C12orf42: variants seen among roughly 807,000 people sequenced by gnomAD.
The protein encoded by C12orf42 is chromosome 12 open reading frame 42, also known as uncharacterized protein C12orf42.
In C12orf42, 25 loss-of-function variants were observed where a neutral mutation model predicts 21.6. The ratio of observed to expected loss-of-function variants is 1.16; its 90% CI spans 0.84 to 1.62. The LOEUF (loss-of-function observed/expected upper bound fraction) is 1.62, where lower values mean the gene tolerates loss of function less well. C12orf42 is among the 40% of genes most tolerant of loss of function. The pLI is 0.00. For synonymous variants in C12orf42, 174 were observed against 175.0 expected, an observed-to-expected ratio of 0.99 and a Z score of 0.05; for missense variants, 483 against 459.3, an observed-to-expected ratio of 1.05 and a Z score of -0.47.
At chr12:103,399,075 T>G (rs2047768770) in intron 3 of C12orf42, among the ~76,000 whole-genome samples, 1 of 152,066 alleles carries the variant, frequency 6.6e-6, no homozygotes, top group South Asian at 2.1e-4. Flanking sequence ...GTTTTATACA[T>G]TTTTCCATAT....
intron 3 of C12orf42, chr12:103,397,849 T>C (rs1210050062): frequency 6.6e-6 from 1 of 152,154 alleles, no homozygotes; most frequent in African/African-American, 2.4e-5. Context: ...TTAATGTTCA[T>C]TACCAGAGTA....
chr12:103,423,495 C>T (rs112925070), intron 2 of C12orf42, among the ~76,000 whole-genome samples: 1,618 of 152,302 alleles, frequency 0.011, 36 homozygotes, highest in African/African-American at 0.037. Flanking sequence ...TCTCTCCCCA[C>T]CCCATCCCCT....
chr12:103,535,775 T>C, the C12orf42 span, among the ~76,000 whole-genome samples: 3 of 152,114 alleles, frequency 2.0e-5, no homozygotes, highest in African/African-American at 7.2e-5. Flanking sequence ...ATCTGTGAGA[T>C]AATAAGAATT....
At chr12:103,248,492 C>T (rs879451653) in intron 10 of C12orf42, among the ~76,000 whole-genome samples, 4 of 151,950 alleles carry the variant, frequency 2.6e-5, no homozygotes, top group Non-Finnish European at 5.9e-5. Context: ...GTGAAGAAAA[C>T]GTTTTTAATT....
At chr12:103,434,231 A>C (rs1434448843) in intron 2 of C12orf42, among the ~76,000 whole-genome samples, 1 of 152,170 alleles carries the variant, frequency 6.6e-6, no homozygotes, top group Non-Finnish European at 1.5e-5. Context: ...ACTGAGTTGC[A>C]TTGTCCCTGA....
intron 4 of C12orf42, among the ~76,000 whole-genome samples, chr12:103,281,395 C>G (rs998397661): frequency 1.3e-5 from 2 of 152,222 alleles, no homozygotes; most frequent in African/African-American, 2.4e-5. Context: ...TGGAGTCTCA[C>G]TCTGTCACCC....
intron 2 of C12orf42, chr12:103,431,298 C>T (rs1748526403): frequency 6.6e-6 from 1 of 152,142 alleles, no homozygotes. Flanking sequence ...CATAATCACA[C>T]CTAAAAGTGA....
the C12orf42 span, among the ~76,000 whole-genome samples, chr12:103,087,349 A>T: frequency 6.6e-6 from 1 of 152,106 alleles, no homozygotes; most frequent in Non-Finnish European, 1.5e-5. Flanking sequence ...AACACCAGCT[A>T]CTCTGAGTCA....
the C12orf42 span, among the ~76,000 whole-genome samples, chr12:103,555,348 A>G: frequency 1.3e-5 from 2 of 152,218 alleles, no homozygotes; most frequent in African/African-American, 4.8e-5. Context: ...CCTCTTTATA[A>G]AACCATCAGA....
the C12orf42 span, among the ~76,000 whole-genome samples, chr12:103,548,446 G>C: frequency 6.6e-6 from 1 of 152,090 alleles, no homozygotes; most frequent in Non-Finnish European, 1.5e-5. Flanking sequence ...CCACGATTTA[G>C]ATAAAAACAA....
intron 10 of C12orf42, among the ~76,000 whole-genome samples, chr12:103,243,569 C>T (rs972671975): frequency 6.6e-6 from 1 of 151,952 alleles, no homozygotes; most frequent in African/African-American, 2.4e-5. Context: ...TTTGCATTTT[C>T]CTGAAAGGCA....
Position 103,249,431 on chromosome 12 carries a change from C to G in C12orf42, c.*1367-11529G>C, listed in dbSNP as rs915704856. 2.0e-5 allele frequency among the ~76,000 whole-genome samples: 3 copies of G among 151,964 alleles called. No individual in the cohort carries two copies. In the South Asian group the frequency reaches 6.2e-4, roughly 32 times the overall value. Reference sequence around the variant, plus strand: ...AGCAAAAGATGATGGCTGACTAAGACCAGCTGGTCCAGAATCTCGACATAA... The same window carrying G: ...AGCAAAAGATGATGGCTGACTAAGAGCAGCTGGTCCAGAATCTCGACATAA... On this transcript the variant is annotated intron_variant and NMD_transcript_variant, in intron 10 of 10. Coordinates refer to the C12orf42 transcript ENST00000547347.
chr12:103,281,992 C>A (rs1025714798), intron 4 of C12orf42, among the ~76,000 whole-genome samples: 1 of 151,800 alleles, frequency 6.6e-6, no homozygotes, highest in African/African-American at 2.4e-5. Flanking sequence ...CTTGATATTT[C>A]TTGAATTCTT....
chr12:103,440,768 GGA>G (rs2137291014), intron 2 of C12orf42, among the ~76,000 whole-genome samples: 1 of 152,108 alleles, frequency 6.6e-6, no homozygotes, highest in East Asian at 1.9e-4. Context: ...CTCCCCTCTT[GGA>G]GAATTACAAT....
intron 10 of C12orf42, among the ~76,000 whole-genome samples, chr12:103,238,551 G>A (rs566449672): frequency 2.0e-5 from 3 of 152,330 alleles, no homozygotes; most frequent in Admixed American, 1.3e-4. Context: ...AATCTGAGGA[G>A]TGTAGGAGTC....
the C12orf42 span, among the ~76,000 whole-genome samples, chr12:103,128,044 GTA>G: frequency 9.9e-4 from 150 of 152,172 alleles, 1 homozygote; most frequent in African/African-American, 3.4e-3. Context: ...CTTCTAGTTG[GTA>G]TCACATCACT....
the C12orf42 span, among the ~76,000 whole-genome samples, chr12:103,532,058 T>G: frequency 6.6e-6 from 1 of 152,222 alleles, no homozygotes; most frequent in African/African-American, 2.4e-5. Context: ...CATGTTCTGC[T>G]CTATGCCTCA....
intron 4 of C12orf42, among the ~76,000 whole-genome samples, chr12:103,351,557 T>C (rs1441069998): frequency 6.6e-6 from 1 of 152,128 alleles, no homozygotes; most frequent in Non-Finnish European, 1.5e-5. Context: ...CATACTATTT[T>C]GAATAGAAAC....
At chr12:103,362,807 G>T (rs1047251555) in intron 4 of C12orf42, among the ~76,000 whole-genome samples, 7 of 151,894 alleles carry the variant, frequency 4.6e-5, no homozygotes, top group African/African-American at 1.7e-4. Context: ...AACAAAAAAA[G>T]AATTTTAGAA....
Sources: allele counts gnomAD v4.1 joint callset (sites outside exome capture counted in the v4.1 genomes callset), GRCh38; gene constraint gnomAD v4.1.1; transcripts MANE v1.5; gene names NCBI Gene and HGNC (gene_info 2026-07-23, HGNC 2026-07-21).